FOCAD: variants seen among roughly 807,000 people sequenced by gnomAD.
FOCAD encodes the protein KIAA1797.
A neutral mutation model predicts 225.6 loss-of-function variants in FOCAD; 198 were observed. That is an observed-to-expected ratio of 0.88 (90% CI 0.78 to 0.99). FOCAD has a LOEUF of 0.99. FOCAD is among the 50% of genes least tolerant of loss of function. FOCAD has a pLI of 0.00. For synonymous variants in FOCAD, 897 were observed against 755.0 expected, an observed-to-expected ratio of 1.19 and a Z score of -3.08; for missense variants, 2,713 against 2,123.6, an observed-to-expected ratio of 1.28 and a Z score of -5.46.
At chr9:20,871,104 T>C (rs1441393834) in intron 18 of FOCAD, among the ~76,000 whole-genome samples, 1 of 151,808 alleles carries the variant, frequency 6.6e-6, no homozygotes, top group African/African-American at 2.4e-5. Context: ...CTCGGGAGGC[T>C]GAGGTAGGAG....
chr9:20,682,359 G>T (rs985937939), upstream of FOCAD, among the ~76,000 whole-genome samples: 1 of 152,316 alleles, frequency 6.6e-6, no homozygotes, highest in African/African-American at 2.4e-5. Context: ...GAGGCAGTAC[G>T]TTTACTCATT....
chr9:20,736,006 G>A (rs1827128847), intron 4 of FOCAD, among the ~76,000 whole-genome samples: 1 of 152,072 alleles, frequency 6.6e-6, no homozygotes, highest in Admixed American at 6.6e-5. Context: ...AGTTTTATGT[G>A]TGAAAATATT....
intron 19 of FOCAD, among the ~76,000 whole-genome samples, chr9:20,876,127 G>A (rs866791720): frequency 6.6e-6 from 1 of 152,096 alleles, no homozygotes; most frequent in African/African-American, 2.4e-5. Context: ...AGAGAAAACT[G>A]AATGGCCAAG....
At chr9:20,808,899 A>G in intron 11 of FOCAD, among the ~76,000 whole-genome samples, 1 of 152,370 alleles carries the variant, frequency 6.6e-6, no homozygotes, top group East Asian at 1.9e-4. Context: ...ATTTTATTTT[A>G]CTGAAGTAAC....
chr9:20,854,629 A>T (rs900121584), intron 15 of FOCAD, among the ~76,000 whole-genome samples: 3 of 151,756 alleles, frequency 2.0e-5, no homozygotes, highest in African/African-American at 7.2e-5. Context: ...AATTGGTAAG[A>T]TTCTTGCGGA....
At chr9:20,840,712 TTCTTTC>T (rs1362456627) in intron 15 of FOCAD, among the ~76,000 whole-genome samples, 1 of 151,964 alleles carries the variant, frequency 6.6e-6, no homozygotes, top group Non-Finnish European at 1.5e-5. Context: ...TGGATGCCCT[TTCTTTC>T]TCTTGTCTAA....
chr9:20,786,998 T>G (rs749884311), intron 10 of FOCAD: 2 of 481,972 alleles, frequency 4.1e-6, no homozygotes, highest in Non-Finnish European at 8.3e-6. Flanking sequence ...AGAAAACGCT[T>G]GATTGCATCC....
In FOCAD at chr9:20,789,554, T is replaced by G; in HGVS notation, c.1401T>G (p.Asn467Lys). The part of the protein sequence containing the change: ...AHLLVEDKGQ[N>K]LHQILKVTTE... ...TCCTTGTTGAAGACAAAGGACAAAATCTTCACCAAATACTCAAGGTCACTA... is the reference window on the plus strand; with the variant it reads ...TCCTTGTTGAAGACAAAGGACAAAAGCTTCACCAAATACTCAAGGTCACTA... Residue 467 changes from asparagine to lysine, a missense_variant, in exon 11 of 44, where the codon AAT becomes AAG. Transcript: ENST00000338382. The G allele has an allele frequency of 6.2e-7, 1 of 1,613,868 alleles. No homozygotes were observed. Among genetic ancestry groups the G allele is most frequent in the Middle Eastern group, 1.7e-4 (1 of 6,058 alleles).
rs184012854 is a variant in FOCAD, at chr9:20,891,268, A to T, written c.2625+6038A>T. On this transcript the variant is annotated intron_variant, in intron 21 of 43. Coordinates refer to ENST00000338382, the MANE Select transcript of FOCAD (RefSeq NM_001375567.1). ...GACACAACAATATTGAAATTAGGCCAATTAATAACTACAATGGCCTCTAAT... is the reference window on the plus strand; with the variant it reads ...GACACAACAATATTGAAATTAGGCCTATTAATAACTACAATGGCCTCTAAT... Among the ~76,000 whole-genome samples, 5 of 152,322 alleles carry T rather than the reference A, an allele frequency of 3.3e-5. No homozygotes were observed. The East Asian group carries it at 9.6e-4, about 29-fold the overall frequency.
intron 5 of FOCAD, among the ~76,000 whole-genome samples, chr9:20,748,783 A>C (rs924134217): frequency 1.3e-5 from 2 of 152,092 alleles, no homozygotes; most frequent in Admixed American, 6.6e-5. Context: ...CTTTATTCAC[A>C]ATTTATGGGT....
intron 4 of FOCAD, among the ~76,000 whole-genome samples, chr9:20,725,763 G>T (rs1296614267): frequency 1.3e-5 from 2 of 152,224 alleles, no homozygotes. Flanking sequence ...CATTTGCAAT[G>T]ATCTGGTTGT....
At position 20,944,720 on chromosome 9, in the gene FOCAD, G is replaced by T; in HGVS notation, c.3501G>T (p.Arg1167=). The T allele has an allele frequency of 6.2e-7, 1 of 1,614,084 alleles. No homozygotes were observed. The highest frequency in any genetic ancestry group is 8.5e-7 in the Non-Finnish European group (1 of 1,179,968). The change falls in exon 29 of 44, where the codon CGG becomes CGT. Residue 1167 remains arginine, a synonymous_variant. Coordinates refer to ENST00000338382, the MANE Select transcript of FOCAD (RefSeq NM_001375567.1). ...QSRVHVAALL[R]KLSAHVDDSG... ...GCGTTCACGTAGCAGCATTGCTCCGGAAGCTGTCTGCGCACGTAGATGACA... is the reference window on the plus strand; with the variant it reads ...GCGTTCACGTAGCAGCATTGCTCCGTAAGCTGTCTGCGCACGTAGATGACA...
chr9:20,672,451 A>G (rs7851326), intron 2 of FOCAD, among the ~76,000 whole-genome samples: 93,127 of 152,020 alleles, frequency 0.61, 28,934 homozygotes, highest in South Asian at 0.74. Flanking sequence ...ATAAATTATT[A>G]TTATTATTAT....
chr9:20,893,284 CT>C (rs779427084), intron 21 of FOCAD, among the ~76,000 whole-genome samples: 8 of 152,070 alleles, frequency 5.3e-5, no homozygotes, highest in Non-Finnish European at 1.0e-4. Context: ...GTAAGCATAA[CT>C]TTTATATCCA....
At chr9:20,771,281 A>G (rs371512827) in intron 8 of FOCAD, among the ~76,000 whole-genome samples, 2 of 152,308 alleles carry the variant, frequency 1.3e-5, no homozygotes, top group Admixed American at 6.5e-5. Flanking sequence ...ATGAGTTTAC[A>G]TTTTATCCTC....
intron 5 of FOCAD, among the ~76,000 whole-genome samples, chr9:20,748,893 A>T (rs754305884): frequency 1.3e-5 from 2 of 152,138 alleles, no homozygotes; most frequent in Non-Finnish European, 2.9e-5. Context: ...ACCAGAAAAC[A>T]CTTTATATGT....
At chr9:20,877,925 C>T (rs1174728841) in intron 19 of FOCAD, among the ~76,000 whole-genome samples, 1 of 151,982 alleles carries the variant, frequency 6.6e-6, no homozygotes, top group African/African-American at 2.4e-5. Flanking sequence ...AACAAACAAA[C>T]AAAAACCCCA....
At chr9:20,804,606 T>G (rs1822208910) in intron 11 of FOCAD, among the ~76,000 whole-genome samples, 1 of 152,152 alleles carries the variant, frequency 6.6e-6, no homozygotes, top group Non-Finnish European at 1.5e-5. Context: ...TGTCTTGTTG[T>G]GCAAAAAGTG....
chr9:20,974,880 C>A (rs995045010), intron 35 of FOCAD, among the ~76,000 whole-genome samples: 1 of 152,102 alleles, frequency 6.6e-6, no homozygotes, highest in Non-Finnish European at 1.5e-5. Context: ...CATCTTTCAG[C>A]ATCTACTGAT....
Sources: gnomAD v4.1 joint callset for allele counts (sites outside exome capture counted in the v4.1 genomes callset) on GRCh38, gnomAD v4.1.1 for gene constraint, MANE v1.5 for transcripts, NCBI Gene and HGNC (gene_info 2026-07-23, HGNC 2026-07-21) for gene names.